The following RBFOX1 variants were observed in gnomAD, a reference collection of about 807,000 sequenced individuals.
RBFOX1 encodes RNA binding fox-1 homolog 1, also known as RNA binding protein fox-1 homolog 1.
In RBFOX1, 8 loss-of-function variants were observed where a neutral mutation model predicts 57.7. The observed-to-expected ratio is 0.14, with a 90% CI of 0.08 to 0.25. The LOEUF is 0.25. RBFOX1 is among the 10% of genes least tolerant of loss of function. RBFOX1 has a pLI of 1.00. For missense variants in RBFOX1, 611 were observed against 548.5 expected (o/e 1.11, Z -1.14); for synonymous variants, 326 against 222.4 (o/e 1.47, Z -4.15).
chr16:7,546,766 A>G (rs2084663716), intron 5 of RBFOX1, among the ~76,000 whole-genome samples: 1 of 152,038 alleles, frequency 6.6e-6, no homozygotes, highest in Non-Finnish European at 1.5e-5. Context: ...TTTGGATTGG[A>G]CATAGTTTAT....
chr16:7,487,809 A>G (rs544915475), intron 4 of RBFOX1, among the ~76,000 whole-genome samples: 3 of 152,264 alleles, frequency 2.0e-5, no homozygotes, highest in African/African-American at 7.2e-5. Context: ...TAAGATCCTG[A>G]TAGCTTTATT....
intron 4 of RBFOX1, among the ~76,000 whole-genome samples, chr16:5,944,308 C>G (rs534967426): frequency 6.6e-6 from 1 of 152,308 alleles, no homozygotes; most frequent in South Asian, 2.1e-4. Flanking sequence ...CACCAGGCGG[C>G]TTTTGAGGTT....
At position 5,650,474 on chromosome 16, in the gene RBFOX1, C is replaced by G. The variant is rs144054648; in HGVS notation, c.318+51513C>G. On this transcript the variant is annotated intron_variant, in intron 3 of 19. Coordinates refer to the RBFOX1 transcript ENST00000641259. ...TTAGAGACAGAAATGGAAAATAAAG[C>G]AGTGGCTTCCTGCTATTAAACGGGA... 5.1e-4 allele frequency among the ~76,000 whole-genome samples: 77 copies of G among 152,296 alleles called. 1 individual carries two copies. The highest frequency in any genetic ancestry group is 1.9e-3 in the African/African-American group (77 of 41,572).
chr16:7,155,326 C>G (rs1408533873), intron 4 of RBFOX1, among the ~76,000 whole-genome samples: 2 of 151,998 alleles, frequency 1.3e-5, no homozygotes, highest in East Asian at 1.9e-4. Context: ...GGTACAGTGG[C>G]TACTTGTGAT....
intron 3 of RBFOX1, among the ~76,000 whole-genome samples, chr16:5,742,124 T>C (rs2052789106): frequency 6.6e-6 from 1 of 152,250 alleles, no homozygotes; most frequent in South Asian, 2.1e-4. Flanking sequence ...AGTGATAGTA[T>C]ATGGAACTTA....
chr16:6,485,858 T>C (rs72760959), intron 2 of RBFOX1, among the ~76,000 whole-genome samples: 29,240 of 152,072 alleles, frequency 0.19, 2,819 homozygotes, highest in Middle Eastern at 0.26. Flanking sequence ...AATTTTAGAG[T>C]CTGGATTCAT....
Position 6,959,873 on chromosome 16 carries a change from A to G in RBFOX1, c.-15-92184A>G, listed in dbSNP as rs374264729. Among the ~76,000 whole-genome samples, 88 of 152,234 alleles carry G rather than the reference A, an allele frequency of 5.8e-4. 1 individual carries two copies. In the South Asian group the frequency reaches 0.017, roughly 29 times the overall value. On this transcript the variant is annotated intron_variant, in intron 3 of 15. Transcript: ENST00000550418. ...AATCGCTTGAACCTAGGAGGCGGAC[A>G]TGTAGTGAGCTGAGATTGTGCCATT...
chr16:7,649,401 TAATC>T (rs750458010), intron 11 of RBFOX1, among the ~76,000 whole-genome samples: 2 of 152,234 alleles, frequency 1.3e-5, no homozygotes, highest in Admixed American at 6.5e-5. Context: ...TTAGTAAACA[TAATC>T]AATCTGTTTC....
At chr16:5,450,948 C>G (rs2068406776) in intron 1 of RBFOX1, among the ~76,000 whole-genome samples, 1 of 152,188 alleles carries the variant, frequency 6.6e-6, no homozygotes, top group African/African-American at 2.4e-5. Flanking sequence ...CCTCAGTGTT[C>G]TCATCTGGAA....
intron 3 of RBFOX1, chr16:6,748,882 A>G (rs1029668670): frequency 6.6e-6 from 1 of 152,188 alleles, no homozygotes; most frequent in Non-Finnish European, 1.5e-5. Flanking sequence ...GTCTTTGTCT[A>G]AGGAAGAACA....
intron 1 of RBFOX1, among the ~76,000 whole-genome samples, chr16:5,422,365 G>C (rs1005400069): frequency 8.2e-5 from 7 of 85,744 alleles, no homozygotes; most frequent in African/African-American, 2.7e-4. Flanking sequence ...GGAGGGAGCA[G>C]GGAGGAGCAG....
chr16:7,157,416 C>A (rs1435689431), intron 4 of RBFOX1, among the ~76,000 whole-genome samples: 1 of 152,014 alleles, frequency 6.6e-6, no homozygotes, highest in Admixed American at 6.6e-5. Context: ...CACTTAGGAT[C>A]TAGTGTTGCC....
chr16:6,624,789 A>AT (rs1435469405), intron 2 of RBFOX1, among the ~76,000 whole-genome samples: 1 of 151,976 alleles, frequency 6.6e-6, no homozygotes, highest in Non-Finnish European at 1.5e-5. Context: ...CAATTCTTTA[A>AT]TTTTTTCATT....
intron 1 of RBFOX1, among the ~76,000 whole-genome samples, chr16:6,280,283 C>T (rs146885247): frequency 1.4e-4 from 22 of 152,268 alleles, no homozygotes; most frequent in Non-Finnish European, 2.6e-4. Context: ...CGCCTCCCTC[C>T]GTCCTCGCTT....
chr16:7,596,387 A>C (rs936882345), intron 8 of RBFOX1, among the ~76,000 whole-genome samples: 12 of 151,880 alleles, frequency 7.9e-5, no homozygotes, highest in African/African-American at 2.4e-4. Flanking sequence ...AATACCAGTT[A>C]CAAATGCTTT....
At position 5,908,674 on chromosome 16, in the gene RBFOX1, G is replaced by T. The variant is rs147980050; in HGVS notation, c.351+41339G>T. ...CTCCCTACTAGGGCCTAAAAGTGTGGCAGGGCATTGCAGACTCTTAGTTTC... is the reference window on the plus strand; with the variant it reads ...CTCCCTACTAGGGCCTAAAAGTGTGTCAGGGCATTGCAGACTCTTAGTTTC... On this transcript the variant is annotated intron_variant, in intron 4 of 19. Transcript: ENST00000641259. Among the ~76,000 whole-genome samples the T allele has an allele frequency of 5.9e-5, 9 of 152,196 alleles. No individual in the cohort carries two copies. The East Asian group carries it at 1.5e-3, about 26-fold the overall frequency.
At chr16:6,249,235 GT>G (rs1206177287) in intron 1 of RBFOX1, among the ~76,000 whole-genome samples, 16 of 152,204 alleles carry the variant, frequency 1.1e-4, no homozygotes, top group Non-Finnish European at 2.2e-4. Context: ...AGATGCATAG[GT>G]TTTGAGAGCA....
chr16:6,161,020 G>A lies in RBFOX1; in HGVS notation c.-127+141028G>A, dbSNP rs542105041. ...GAATGCGAGCTCCATGAGCACAGTG[G>A]TGTTTCCCAGCTTTATTCTGCAGCC... is the stretch of plus-strand genomic sequence containing the variant. On this transcript the variant is annotated intron_variant, in intron 1 of 15. Transcript: ENST00000550418. Among the ~76,000 whole-genome samples the A allele has an allele frequency of 5.9e-5, 9 of 152,284 alleles. 1 individual carries two copies. In the South Asian group the frequency reaches 1.9e-3, roughly 32 times the overall value.
At chr16:6,757,346 C>T (rs1197686436) in intron 3 of RBFOX1, among the ~76,000 whole-genome samples, 3 of 152,088 alleles carry the variant, frequency 2.0e-5, no homozygotes, top group African/African-American at 4.8e-5. Flanking sequence ...CCTGCACACC[C>T]GTGTTTACTG....
Sources: allele counts gnomAD v4.1 joint callset (sites outside exome capture counted in the v4.1 genomes callset), GRCh38; gene constraint gnomAD v4.1.1; transcripts MANE v1.5; gene names NCBI Gene and HGNC (gene_info 2026-07-23, HGNC 2026-07-21).